DDX21: variants seen among roughly 807,000 people sequenced by gnomAD.
DDX21 encodes the protein DExD-box helicase 21.
DDX21 carries 18 observed loss-of-function variants against 90.0 expected under a neutral mutation model. The ratio of observed to expected loss-of-function variants is 0.20; its 90% CI spans 0.14 to 0.30. The LOEUF (loss-of-function observed/expected upper bound fraction) is 0.30. Among genes scored for constraint, DDX21 ranks in the 10% least tolerant of loss-of-function variants. DDX21 has a pLI of 1.00. For missense variants in DDX21, 673 were observed against 944.5 expected, an observed-to-expected ratio of 0.71 and a Z score of 3.77; for synonymous variants, 294 against 318.0, an observed-to-expected ratio of 0.92 and a Z score of 0.80.
rs752957882 is a variant in DDX21, at chr10:68,977,631, G to A, written c.1845G>A (p.Leu615=). The A allele has an allele frequency of 1.2e-6, 2 of 1,613,920 alleles. No homozygotes were observed. The highest frequency in any genetic ancestry group is 1.7e-6 in the Non-Finnish European group (2 of 1,179,844). ...KGAVEALAAA[L]AHISGATSVD... Reference sequence around the variant, plus strand: ...CTGTGGAAGCTCTGGCAGCAGCACTGGCCCATATTTCAGGTGCCACGTCCG... The same window carrying A: ...CTGTGGAAGCTCTGGCAGCAGCACTAGCCCATATTTCAGGTGCCACGTCCG... Residue 615 remains leucine, a synonymous_variant, in exon 12 of 15, where the codon CTG becomes CTA. Coordinates refer to ENST00000354185, the MANE Select transcript of DDX21 (RefSeq NM_004728.4).
At position 68,970,226 on chromosome 10, in the gene DDX21, C is replaced by T. The variant is rs1843003236; in HGVS notation, c.1262C>T (p.Thr421Ile). 1 of 1,612,676 alleles carries T rather than the reference C, an allele frequency of 6.2e-7. No individual in the cohort carries two copies. Among genetic ancestry groups the T allele is most frequent in the Middle Eastern group, 1.7e-4 (1 of 6,060 alleles). The change falls in exon 8 of 15, where the codon ACT becomes ATT. Residue 421 changes from threonine (T) to isoleucine (I), a missense_variant. By Grantham distance (89) the Thr-to-Ile change is moderately conservative (BLOSUM62 -1). Around this residue, in one of 4 missense-constraint regions of DDX21, gnomAD observed 218 missense variants for 347.3 expected, o/e 0.63. Coordinates refer to ENST00000354185, the MANE Select transcript of DDX21 (RefSeq NM_004728.4). ...VEHLAIKCHW[T>I]QRAAVIGDVI... ...CATCTGGCTATTAAGTGCCACTGGA[C>T]TCAGAGGGCAGCAGTTATTGGGGAT...
intron 13 of DDX21, among the ~76,000 whole-genome samples, chr10:68,979,197 G>C (rs1439321675): frequency 1.3e-5 from 2 of 152,150 alleles, no homozygotes; most frequent in East Asian, 3.8e-4. Context: ...ACTTGATCCA[G>C]CTGCTTCCCT....
intron 11 of DDX21, among the ~76,000 whole-genome samples, chr10:68,977,123 A>C (rs72803503): frequency 0.12 from 17,870 of 152,150 alleles, 1,336 homozygotes; most frequent in Admixed American, 0.18. Context: ...TGATCCTAAA[A>C]GTAACACATG....
chr10:68,956,530 A>T, intron 1 of DDX21: 16 of 1,407,430 alleles, frequency 1.1e-5, no homozygotes, highest in Non-Finnish European at 9.3e-7. Flanking sequence ...CCGTGCGCTG[A>T]CCTCTTCCTC....
intron 2 of DDX21, among the ~76,000 whole-genome samples, chr10:68,961,154 A>G (rs1189773726): frequency 6.6e-6 from 1 of 152,208 alleles, no homozygotes; most frequent in Non-Finnish European, 1.5e-5. Context: ...AGGCTGGTCT[A>G]GAACTTGTGG....
At chr10:68,957,688 A>G (rs1376413961) in intron 1 of DDX21, among the ~76,000 whole-genome samples, 5 of 152,184 alleles carry the variant, frequency 3.3e-5, no homozygotes, top group African/African-American at 9.7e-5. Flanking sequence ...AGGATGGGAA[A>G]CTCAGTCTTA....
In DDX21 at chr10:68,974,667, T is replaced by C. The variant is rs773600609; in HGVS notation, c.1669-3T>C. On this transcript the variant is annotated splice_polypyrimidine_tract_variant and splice_region_variant and intron_variant, in intron 10 of 14. Coordinates refer to ENST00000354185, the MANE Select transcript of DDX21 (RefSeq NM_004728.4). Reference sequence around the variant, plus strand: ...CATTAAACTGTGGTTCATTTTCCTGTAGGGAATTAAGTTCAAACGAATAGG... The same window carrying C: ...CATTAAACTGTGGTTCATTTTCCTGCAGGGAATTAAGTTCAAACGAATAGG... 1 of 1,613,456 alleles carries C rather than the reference T, an allele frequency of 6.2e-7. No homozygotes were observed. The highest frequency in any genetic ancestry group is 8.5e-7 in the Non-Finnish European group (1 of 1,179,576).
In DDX21 at chr10:68,973,464, T is replaced by C. The variant is rs908054234; in HGVS notation, c.1549-81T>C. 19 of 1,559,424 alleles carry C rather than the reference T, an allele frequency of 1.2e-5. No individual in the cohort carries two copies. The Middle Eastern group carries it at 1.2e-3, about 99-fold the overall frequency. On this transcript the variant is annotated intron_variant, in intron 9 of 14. Coordinates refer to ENST00000354185, the MANE Select transcript of DDX21 (RefSeq NM_004728.4). ...CCAGGTTTATAACCACAATTGCTAG[T>C]GTTCACTGACCTGCATAGGCTACTC... is the stretch of plus-strand genomic sequence containing the variant.
intron 11 of DDX21, 34 bp downstream of exon 11, chr10:68,974,777 G>A (rs1349964220): frequency 6.3e-7 from 1 of 1,582,752 alleles, no homozygotes; most frequent in Non-Finnish European, 8.7e-7. Flanking sequence ...GTCTGTTTTA[G>A]TGTTGGTTCA....
chr10:68,964,125 AGC>A, intron 4 of DDX21: 2 of 428,398 alleles, frequency 4.7e-6, no homozygotes, highest in Admixed American at 2.8e-5. Context: ...AAAAAAGAAA[AGC>A]ATGAATGGAA....
intron 9 of DDX21, 90 bp from the exon 10 acceptor site, chr10:68,973,454 CA>C (rs1843053798): frequency 6.6e-7 from 1 of 1,523,326 alleles, no homozygotes; most frequent in Admixed American, 1.8e-5. Flanking sequence ...TTTATAACCA[CA>C]ATTGCTAGTG....
At chr10:68,980,730 G>A (rs907883653) in intron 13 of DDX21, among the ~76,000 whole-genome samples, 4 of 151,052 alleles carry the variant, frequency 2.6e-5, no homozygotes, top group Non-Finnish European at 4.4e-5. Context: ...GTCCTGGCTA[G>A]GTGCCATGGC....
At chr10:68,978,646 G>A (rs996954159) in intron 12 of DDX21, among the ~76,000 whole-genome samples, 196 bp from the exon 13 acceptor site, 4 of 152,172 alleles carry the variant, frequency 2.6e-5, no homozygotes, top group Non-Finnish European at 5.9e-5. Flanking sequence ...CCAAGATATT[G>A]ACATTGGTAC....
intron 8 of DDX21, 107 bp downstream of exon 8, chr10:68,970,457 A>G (rs1436179371): frequency 7.8e-6 from 8 of 1,026,994 alleles, no homozygotes; most frequent in Non-Finnish European, 1.1e-5. Flanking sequence ...ATACCAGTTT[A>G]GTTTAGTTTA....
intron 11 of DDX21, among the ~76,000 whole-genome samples, 185 bp downstream of exon 11, chr10:68,974,928 A>G (rs1366644024): frequency 6.6e-6 from 1 of 152,014 alleles, no homozygotes; most frequent in Admixed American, 6.6e-5. Flanking sequence ...CAGCCTCCCA[A>G]AGTGCTAAGA....
At chr10:68,968,029 C>T (rs1326140431) in intron 6 of DDX21, among the ~76,000 whole-genome samples, 3 of 151,998 alleles carry the variant, frequency 2.0e-5, no homozygotes, top group Non-Finnish European at 2.9e-5. Context: ...TATAGATGTG[C>T]GCCACCATGC....
rs1440627966 is a variant in DDX21 at position 68,978,925 on chromosome 10, C to T, written c.1986C>T (p.Gly662=). The part of the protein sequence containing the change: ...YAWKELKEQL[G]EEIDSKVKGM... ...GGAAAGAACTTAAAGAGCAGCTGGG[C>T]GAGGAGATTGATTCCAAAGTGAAGG... Residue 662 remains glycine (G), a synonymous_variant, in exon 13 of 15, where the codon GGC becomes GGT. Coordinates refer to ENST00000354185, the MANE Select transcript of DDX21 (RefSeq NM_004728.4). The T allele has an allele frequency of 5.0e-6, 8 of 1,613,988 alleles. No homozygotes were observed. Among genetic ancestry groups the T allele is most frequent in the African/African-American group, 1.3e-5 (1 of 74,908 alleles).
At chr10:68,963,539 C>A in intron 4 of DDX21, 70 bp downstream of exon 4, 1 of 1,419,420 alleles carries the variant, frequency 7.0e-7, no homozygotes, top group Non-Finnish European at 9.5e-7. Flanking sequence ...TGTGTACATA[C>A]CCTACTATTT....
intron 14 of DDX21, among the ~76,000 whole-genome samples, chr10:68,982,119 C>T (rs1349886693): frequency 2.0e-5 from 3 of 152,146 alleles, no homozygotes; most frequent in Non-Finnish European, 4.4e-5. Flanking sequence ...GGTGATCCAC[C>T]CACCTCCCAA....
Sources: allele counts gnomAD v4.1 joint callset (sites outside exome capture counted in the v4.1 genomes callset), GRCh38; gene constraint gnomAD v4.1.1; regional missense constraint gnomAD v4.1.1; transcripts MANE v1.5; gene names NCBI Gene and HGNC (gene_info 2026-07-23, HGNC 2026-07-21).